The following SERF1B variants were observed in gnomAD, a reference collection of about 807,000 sequenced individuals.
SERF1B encodes small EDRK-rich factor 1B.
chr5:70,037,822 G>A (rs1303801938), intron 2 of SERF1B, among the ~76,000 whole-genome samples: 5 of 112,894 alleles, frequency 4.4e-5, no homozygotes, highest in Middle Eastern at 4.0e-3. Flanking sequence ...TTAGCCAAGC[G>A]TGGTGGTGGG....
At chr5:70,038,618 CA>C (rs563286550) in intron 2 of SERF1B, among the ~76,000 whole-genome samples, 1 of 1,306 alleles carries the variant, frequency 7.7e-4, no homozygotes, top group Non-Finnish European at 3.2e-3. Context: ...GACTCCGTCT[CA>C]AAAAAAAAAA....
rs763495681 is a variant in SERF1B at position 70,036,629 on chromosome 5, A to ACACACACT, written c.117-4894_117-4893insACACACTC. On this transcript the variant is annotated intron_variant, in intron 2 of 2. Coordinates refer to ENST00000380750, the MANE Select transcript of SERF1B (RefSeq NM_022978.3). ...CACACACACACACACACACACACAC[A>ACACACACT]CTCTCTCTCTCTCTCTCTCTCTCTC... is the stretch of plus-strand genomic sequence containing the variant. Among the ~76,000 whole-genome samples, 313 of 49,980 alleles carry ACACACACT rather than the reference A, an allele frequency of 6.3e-3. 1 individual carries two copies. The highest frequency in any genetic ancestry group is 0.011 in the Middle Eastern group (1 of 94). The allele number at this position is 49,980 out of a possible 152,430, so 32.8% of individuals were successfully genotyped here. A position where few individuals can be genotyped will look rare whatever the true frequency, so the allele number is the denominator to read the frequency against.
At chr5:70,035,381 T>TTAG (rs1774169475) in intron 2 of SERF1B, among the ~76,000 whole-genome samples, 1 of 139,128 alleles carries the variant, frequency 7.2e-6, no homozygotes, top group East Asian at 2.0e-4. Flanking sequence ...ATTATTATTA[T>TTAG]TATTTTTTTT....
chr5:70,035,065 CTG>C (rs1774163034), intron 2 of SERF1B, among the ~76,000 whole-genome samples: 1 of 29,750 alleles, frequency 3.4e-5, no homozygotes, highest in Non-Finnish European at 5.1e-5. Flanking sequence ...TTTTTTGAGA[CTG>C]TGTCTTGCTT....
Position 70,041,955 on chromosome 5 carries a change from ACT to A in SERF1B, c.*218_*219del, listed in dbSNP as rs1483860732. ...TTTTTTTTTTTTGAGATGGAGTCTC[ACT>A]CTGTCACCAGACTGGAGTGCAGTGG... On this transcript the variant is annotated 3_prime_UTR_variant, in exon 3 of 3. Transcript: ENST00000380750. 3.5e-5 allele frequency: 21 copies of A among 607,802 alleles called. No individual in the cohort carries two copies. The highest frequency in any genetic ancestry group is 6.1e-5 in the Non-Finnish European group (21 of 343,900). 37.7% of individuals were successfully genotyped at this position (607,802 alleles called of 1,614,324 possible).
intron 2 of SERF1B, among the ~76,000 whole-genome samples, chr5:70,036,619 A>T (rs1440573381): frequency 3.2e-5 from 4 of 124,632 alleles, no homozygotes; most frequent in East Asian, 5.3e-4. Context: ...ACACACACAC[A>T]CACACACACA....
chr5:70,040,935 CTT>C (rs1438152690), intron 2 of SERF1B, among the ~76,000 whole-genome samples: 6 of 151,324 alleles, frequency 4.0e-5, no homozygotes, highest in African/African-American at 1.4e-4. Context: ...ATTGCTCCCA[CTT>C]TGGGGCTGTT....
At chr5:70,036,622 C>G (rs1774189528) in intron 2 of SERF1B, among the ~76,000 whole-genome samples, 2 of 138,944 alleles carry the variant, frequency 1.4e-5, no homozygotes, top group South Asian at 2.3e-4. Flanking sequence ...CACACACACA[C>G]ACACACACTC....
At chr5:70,040,976 A>G (rs191224979) in intron 2 of SERF1B, among the ~76,000 whole-genome samples, 5 of 151,810 alleles carry the variant, frequency 3.3e-5, no homozygotes, top group African/African-American at 1.2e-4. Flanking sequence ...ACATTTTTAT[A>G]TATCTTATGA....
rs1406400081 is a variant in SERF1B, at chr5:70,028,939, C to G, written c.116+2424C>G. On this transcript the variant is annotated intron_variant, in intron 2 of 2. Coordinates refer to ENST00000380750, the MANE Select transcript of SERF1B (RefSeq NM_022978.3). ...TTGCAGTGAGCTGAGATCGCGCCAC[C>G]GCACTCCAGCCTGGGCGACAGAGCG... Among the ~76,000 whole-genome samples the G allele has an allele frequency of 3.3e-5, 5 of 149,768 alleles. No homozygotes were observed. In the South Asian group the frequency reaches 1.1e-3, roughly 32 times the overall value.
intron 2 of SERF1B, among the ~76,000 whole-genome samples, chr5:70,038,349 G>A (rs1168694734): frequency 1.5e-4 from 16 of 106,764 alleles, no homozygotes; most frequent in Admixed American, 5.1e-4. Context: ...CGTGGCTCAC[G>A]CCTGTAATCC....
At chr5:70,030,037 A>G (rs1288238341) in intron 2 of SERF1B, 2 of 252,716 alleles carry the variant, frequency 7.9e-6, no homozygotes, top group Non-Finnish European at 7.4e-6. Flanking sequence ...GTGAGCCACT[A>G]TGCCCGGCCC....
chr5:70,038,532 C>A (rs1260331314), intron 2 of SERF1B, among the ~76,000 whole-genome samples: 1 of 31,742 alleles, frequency 3.2e-5, no homozygotes, highest in African/African-American at 1.4e-4. Context: ...AAGGCATAGA[C>A]CCGAGAGGCG....
intron 2 of SERF1B, chr5:70,029,687 A>G (rs1470258901): frequency 1.1e-5 from 5 of 452,510 alleles, no homozygotes; most frequent in Non-Finnish European, 2.2e-5. Flanking sequence ...TGCAGCCACT[A>G]TTAAGAGTCA....
intron 2 of SERF1B, among the ~76,000 whole-genome samples, chr5:70,028,859 C>T (rs1218491789): frequency 3.4e-5 from 5 of 148,594 alleles, no homozygotes; most frequent in African/African-American, 1.2e-4. Context: ...CGCCTGTAGT[C>T]CCAGCTACTC....
intron 2 of SERF1B, among the ~76,000 whole-genome samples, chr5:70,028,403 CTT>C (rs1394298204): frequency 6.6e-6 from 1 of 150,844 alleles, no homozygotes; most frequent in African/African-American, 2.4e-5. Flanking sequence ...TAATACAAAA[CTT>C]AGCCGGGCGA....
intron 2 of SERF1B, among the ~76,000 whole-genome samples, chr5:70,029,130 G>C (rs1332082379): frequency 2.0e-5 from 3 of 150,592 alleles, no homozygotes; most frequent in African/African-American, 7.4e-5. Flanking sequence ...ACTGTACTTA[G>C]GTTATGCCTT....
At chr5:70,028,901 C>T (rs1244631287) in intron 2 of SERF1B, among the ~76,000 whole-genome samples, 5 of 147,276 alleles carry the variant, frequency 3.4e-5, no homozygotes, top group South Asian at 4.4e-4. Context: ...GGCGTGAACC[C>T]GGGAGGCGGA....
chr5:70,028,979 A>AG (rs1361731673), intron 2 of SERF1B, among the ~76,000 whole-genome samples: 4 of 152,120 alleles, frequency 2.6e-5, no homozygotes, highest in Middle Eastern at 3.4e-3. Context: ...TCCGTCAAAA[A>AG]AAAAAAACCT....
Sources: gnomAD v4.1 joint callset for allele counts (sites outside exome capture counted in the v4.1 genomes callset) on GRCh38, gnomAD v4.1.1 for gene constraint, MANE v1.5 for transcripts, NCBI Gene and HGNC (gene_info 2026-07-23, HGNC 2026-07-21) for gene names.